The following SUSD4 variants were observed in gnomAD, a reference collection of about 807,000 sequenced individuals.
The protein encoded by SUSD4 is sushi domain containing 4.
In SUSD4, 41 loss-of-function variants were observed where a neutral mutation model predicts 50.5. The observed-to-expected ratio is 0.81, with a 90% CI of 0.63 to 1.05. SUSD4 has a LOEUF of 1.05. Ranked by LOEUF, SUSD4 falls within the 50% of genes least tolerant of loss-of-function variation. The pLI is 0.00. For missense variants in SUSD4, 580 were observed against 634.7 expected, an observed-to-expected ratio of 0.91 and a Z score of 0.93; for synonymous variants, 257 against 257.3, an observed-to-expected ratio of 1.00 and a Z score of 0.01.
At chr1:223,245,401 C>A (rs114455577) in intron 5 of SUSD4, among the ~76,000 whole-genome samples, 6 of 151,936 alleles carry the variant, frequency 3.9e-5, no homozygotes, top group African/African-American at 1.4e-4. Context: ...AGGAAGGACT[C>A]GGTCCAGGAA....
In SUSD4 at chr1:223,268,149, A is replaced by G. The variant is rs141258168; in HGVS notation, c.535+353T>C. Among the ~76,000 whole-genome samples the G allele has an allele frequency of 7.0e-4, 106 of 151,530 alleles. No individual in the cohort carries two copies. The East Asian group carries it at 0.02, about 28-fold the overall frequency. On this transcript the variant is annotated intron_variant, in intron 4 of 8. Coordinates refer to ENST00000366878, the MANE Select transcript of SUSD4 (RefSeq NM_017982.4). ...ATGCTCTGTTATTTCCATTAAATAT[A>G]TAATAGTTCATCATTATGTTAGCAG...
Position 223,268,482 on chromosome 1 carries a change from C to T in SUSD4, c.535+20G>A, listed in dbSNP as rs1662676024. 2 of 1,602,490 alleles carry T rather than the reference C, an allele frequency of 1.2e-6. No homozygotes were observed. Among genetic ancestry groups the T allele is most frequent in the Non-Finnish European group, 1.7e-6 (2 of 1,174,190 alleles). The stretch of plus-strand genomic sequence containing the variant: ...GAGAGAATAATAGCCCAGCTGAGAA[C>T]TGAAGCATCAGTCCCGTACCTTGAC... On this transcript the variant is annotated intron_variant, in intron 4 of 8. Transcript: ENST00000366878.
Position 223,231,889 on chromosome 1 carries a change from G to A in SUSD4, c.725-2501C>T, listed in dbSNP as rs1029611833. 1.3e-5 allele frequency among the ~76,000 whole-genome samples: 2 copies of A among 152,172 alleles called. No homozygotes were observed. Among genetic ancestry groups the A allele is most frequent in the Non-Finnish European group, 2.9e-5 (2 of 68,026 alleles). On this transcript the variant is annotated intron_variant, in intron 5 of 8. Coordinates refer to ENST00000366878, the MANE Select transcript of SUSD4 (RefSeq NM_017982.4). The surrounding 1 kb of genome is among the most constrained non-coding windows in gnomAD (Gnocchi z 4.2). The stretch of plus-strand genomic sequence containing the variant: ...GAGGCCGGCATCTTCTCTGGGACAG[G>A]AGCCCCTTTCTGTGGTCAAGGGTAT...
At chr1:223,301,346 T>C (rs1050071021) in intron 2 of SUSD4, among the ~76,000 whole-genome samples, 1 of 152,220 alleles carries the variant, frequency 6.6e-6, no homozygotes, top group Admixed American at 6.5e-5. Context: ...ATCCAGGCAG[T>C]CAGTTCTCAA....
intron 2 of SUSD4, among the ~76,000 whole-genome samples, chr1:223,343,047 A>G (rs559951024): frequency 6.6e-6 from 1 of 152,342 alleles, no homozygotes; most frequent in Admixed American, 6.5e-5. Flanking sequence ...AGAATTCAAA[A>G]CAATAAACAC....
chr1:223,224,077 G>A (rs1255588263), intron 7 of SUSD4, among the ~76,000 whole-genome samples: 5 of 152,316 alleles, frequency 3.3e-5, no homozygotes, highest in Non-Finnish European at 7.3e-5. Flanking sequence ...GGTCAGGTGT[G>A]GTGGCTCACA....
At chr1:223,347,541 A>C (rs937732249) in intron 2 of SUSD4, among the ~76,000 whole-genome samples, 1 of 147,884 alleles carries the variant, frequency 6.8e-6, no homozygotes, top group Non-Finnish European at 1.5e-5. Context: ...CTTCCCAGCT[A>C]AATAAATCCC....
chr1:223,272,442 C>G (rs919575871), intron 3 of SUSD4, among the ~76,000 whole-genome samples: 12 of 152,154 alleles, frequency 7.9e-5, no homozygotes, highest in African/African-American at 2.9e-4. Context: ...GGCAGCATTG[C>G]ATATTTATAC....
chr1:223,251,193 G>A (rs1365240384), intron 5 of SUSD4, among the ~76,000 whole-genome samples: 3 of 152,116 alleles, frequency 2.0e-5, no homozygotes, highest in Non-Finnish European at 4.4e-5. Flanking sequence ...AAAGAAAAAA[G>A]GTGTAATTGG....
rs138770932 is a variant in SUSD4 at position 223,239,313 on chromosome 1, G to A, written c.725-9925C>T. 8.4e-3 allele frequency among the ~76,000 whole-genome samples: 1,270 copies of A among 151,894 alleles called. 19 individuals carry two copies. The highest frequency in any genetic ancestry group is 0.028 in the African/African-American group (1,166 of 41,460). ...CTCTGACCATCTCTGTCTTTTAATC[G>A]GTGCATTTAGACCACTGACATTCAA... On this transcript the variant is annotated intron_variant, in intron 5 of 8. Transcript: ENST00000366878.
intron 2 of SUSD4, among the ~76,000 whole-genome samples, chr1:223,331,290 T>C (rs1226665068): frequency 6.6e-6 from 1 of 152,164 alleles, no homozygotes; most frequent in African/African-American, 2.4e-5. Flanking sequence ...CACAAGGTGT[T>C]TTCACATTCC....
chr1:223,339,953 C>T (rs892533674), intron 2 of SUSD4, among the ~76,000 whole-genome samples: 9 of 152,202 alleles, frequency 5.9e-5, no homozygotes, highest in African/African-American at 1.7e-4. Flanking sequence ...CTCATTCCAC[C>T]GGCTCCGCTC....
At chr1:223,320,409 C>G (rs1666502878) in intron 2 of SUSD4, among the ~76,000 whole-genome samples, 2 of 152,038 alleles carry the variant, frequency 1.3e-5, no homozygotes, top group Non-Finnish European at 2.9e-5. Context: ...GACCAGGACA[C>G]TAGGCGCTCC....
At chr1:223,285,199 T>C (rs759194720) in intron 3 of SUSD4, among the ~76,000 whole-genome samples, 6 of 152,130 alleles carry the variant, frequency 3.9e-5, no homozygotes, top group Non-Finnish European at 8.8e-5. Context: ...CTCCTTAAAA[T>C]ACTGCAGTCT....
chr1:223,340,469 G>A (rs1667693599), intron 2 of SUSD4, among the ~76,000 whole-genome samples: 1 of 152,216 alleles, frequency 6.6e-6, no homozygotes, highest in African/African-American at 2.4e-5. Flanking sequence ...CTTTGTGTTA[G>A]AGAAGAGACA....
At chr1:223,358,190 A>C (rs759627985) in intron 2 of SUSD4, among the ~76,000 whole-genome samples, 3 of 152,238 alleles carry the variant, frequency 2.0e-5, no homozygotes, top group Non-Finnish European at 4.4e-5. Flanking sequence ...TCTCAGGACA[A>C]AGGACTGTAT....
intron 5 of SUSD4, among the ~76,000 whole-genome samples, chr1:223,241,870 T>A (rs1382187198): frequency 6.6e-6 from 1 of 152,160 alleles, no homozygotes; most frequent in Non-Finnish European, 1.5e-5. Flanking sequence ...GGAAATTTGT[T>A]CCTTAGTCTT....
In SUSD4 at chr1:223,332,665, C is replaced by G. The variant is rs61838232; in HGVS notation, c.148+30613G>C. 2.6e-5 allele frequency among the ~76,000 whole-genome samples: 4 copies of G among 151,996 alleles called. No individual in the cohort carries two copies. Among genetic ancestry groups the G allele is most frequent in the Non-Finnish European group, 5.9e-5 (4 of 68,018 alleles). On this transcript the variant is annotated intron_variant, in intron 2 of 8. Coordinates refer to ENST00000366878, the MANE Select transcript of SUSD4 (RefSeq NM_017982.4). The surrounding 1 kb of genome is among the most constrained non-coding windows in gnomAD (Gnocchi z 4.0). ...GTAATTCTGCAATTCTCAGTGACTG[C>G]GGGTAGCCGTGGGGAGACAGGCATC...
chr1:223,271,337 T>C (rs1038695607), intron 3 of SUSD4, among the ~76,000 whole-genome samples: 1 of 152,180 alleles, frequency 6.6e-6, no homozygotes, highest in East Asian at 1.9e-4. Flanking sequence ...CATAGTGTTG[T>C]GTAATGTAGA....
Sources: gnomAD v4.1 joint callset for allele counts (sites outside exome capture counted in the v4.1 genomes callset) on GRCh38, gnomAD v4.1.1 for gene constraint, Gnocchi (gnomAD v3.1) non-coding constraint, MANE v1.5 for transcripts, NCBI Gene and HGNC (gene_info 2026-07-23, HGNC 2026-07-21) for gene names.